LIG1: variants seen among roughly 807,000 people sequenced by gnomAD.
LIG1 encodes DNA ligase 1, also known as ligase I, DNA, ATP-dependent.
In LIG1, 70 loss-of-function variants were observed where a neutral mutation model predicts 115.7. The observed-to-expected ratio is 0.60, with a 90% CI of 0.50 to 0.74. The LOEUF is 0.74. Among genes scored for constraint, LIG1 ranks in the 30% least tolerant of loss-of-function variants. The pLI is 0.00. For missense variants in LIG1, 1,115 were observed against 1,225.6 expected (o/e 0.91, Z 1.35); for synonymous variants, 487 against 495.3 (o/e 0.98, Z 0.22).
At chr19:48,146,960 G>C (rs1048343574) in intron 9 of LIG1, among the ~76,000 whole-genome samples, 2 of 152,184 alleles carry the variant, frequency 1.3e-5, no homozygotes, top group Non-Finnish European at 2.9e-5. Context: ...AATGGCTAAA[G>C]TGCTCCCTTC....
intron 1 of LIG1, among the ~76,000 whole-genome samples, chr19:48,168,661 C>G (rs999626090): frequency 6.6e-6 from 1 of 152,016 alleles, no homozygotes; most frequent in African/African-American, 2.4e-5. Context: ...GGAACTGGTT[C>G]CCTCATTACT....
chr19:48,127,990 G>T lies in LIG1; in HGVS notation c.1852C>A (p.Leu618Met). The T allele has an allele frequency of 2.5e-6, 4 of 1,614,174 alleles. No individual in the cohort carries two copies. Among genetic ancestry groups the T allele is most frequent in the Non-Finnish European group, 3.4e-6 (4 of 1,180,022 alleles). The change falls in exon 20 of 28, where the codon CTG becomes ATG. Residue 618 changes from leucine to methionine, a missense_variant. Leu to Met is a conservative substitution (Grantham distance 15). Transcript: ENST00000263274. ...TCCCAAGCCACGGCTTCGGTGTCCA[G>T]GATGAAGGATGTGACCGATGGGAGT... is the stretch of plus-strand genomic sequence containing the variant. The part of the protein sequence containing the change: ...IKLPSVTSFI[L>M]DTEAVAWDRE...
chr19:48,123,068 C>T (rs1259439777), intron 22 of LIG1, 52 bp from the exon 23 acceptor site: 14 of 1,611,392 alleles, frequency 8.7e-6, no homozygotes, highest in Admixed American at 5.0e-5. Context: ...TCACAAGCGC[C>T]GGAGCAGGCA....
intron 21 of LIG1, 85 bp from the exon 22 acceptor site, chr19:48,123,403 T>C: frequency 6.7e-7 from 1 of 1,497,148 alleles, no homozygotes; most frequent in East Asian, 2.3e-5. Context: ...GAACAGGACA[T>C]GTGCGGGTCA....
At chr19:48,131,991 T>C (rs548436460) in intron 18 of LIG1, among the ~76,000 whole-genome samples, 16 of 149,832 alleles carry the variant, frequency 1.1e-4, no homozygotes, top group African/African-American at 3.7e-4. Context: ...GAGGCTGTAG[T>C]GTAGTGGCAC....
rs1052758930 is a variant in LIG1 at position 48,150,130 on chromosome 19, T to C, written c.655A>G (p.Lys219Glu). The C allele has an allele frequency of 1.2e-6, 2 of 1,614,182 alleles. No homozygotes were observed. The stretch of plus-strand genomic sequence containing the variant: ...GTCTTGGGAGCTCTGCGGGGAGGCT[T>C]GGTCTGCTCTTCCTCCTCCTGCAGT... The part of the protein sequence containing the change: ...QELQEEEEQT[K>E]PPRRAPKTLS... Residue 219 changes from lysine (K) to glutamate (E), a missense_variant, in exon 8 of 28, where the codon AAG (lysine) becomes GAG (glutamate). By Grantham distance (56) the Lys-to-Glu change is moderately conservative. Transcript: ENST00000263274.
intron 26 of LIG1, among the ~76,000 whole-genome samples, chr19:48,117,301 A>C (rs1190138578): frequency 6.6e-6 from 1 of 150,868 alleles, no homozygotes; most frequent in Non-Finnish European, 1.5e-5. Flanking sequence ...CTGGGACTAC[A>C]GGCACCCGCC....
At chr19:48,145,765 A>T (rs1231528561) in intron 9 of LIG1, 2 of 152,256 alleles carry the variant, frequency 1.3e-5, no homozygotes, top group South Asian at 4.1e-4. Flanking sequence ...AAAAACAAAT[A>T]AGAATAGTAG....
chr19:48,168,648 T>C (rs1191423581), intron 1 of LIG1, among the ~76,000 whole-genome samples: 1 of 152,180 alleles, frequency 6.6e-6, no homozygotes, highest in African/African-American at 2.4e-5. Context: ...TGTCTACCCT[T>C]AGGGAACTGG....
At chr19:48,142,532 G>A (rs1281289619) in intron 11 of LIG1, among the ~76,000 whole-genome samples, 2 of 151,728 alleles carry the variant, frequency 1.3e-5, no homozygotes, top group South Asian at 2.1e-4. Context: ...ATGTGAGAAC[G>A]AAGGGACACT....
intron 21 of LIG1, 152 bp from the exon 22 acceptor site, chr19:48,123,470 G>A: frequency 3.5e-6 from 3 of 858,660 alleles, no homozygotes; most frequent in Admixed American, 2.1e-5. Context: ...GATGTCAGAA[G>A]GATTCTGAGA....
In LIG1 at chr19:48,137,765, T is replaced by A; in HGVS notation, c.1088-77A>T. 1 of 1,544,516 alleles carries A rather than the reference T, an allele frequency of 6.5e-7. No individual in the cohort carries two copies. The highest frequency in any genetic ancestry group is 8.8e-7 in the Non-Finnish European group (1 of 1,140,086). ...TGTCTCCCTTCTCTCGCGGCCTGGA[T>A]GAATTTTCTCCAGCTGTGTGTGCTT... is the stretch of plus-strand genomic sequence containing the variant. On this transcript the variant is annotated intron_variant, in intron 12 of 27. Coordinates refer to ENST00000263274, the MANE Select transcript of LIG1 (RefSeq NM_000234.3). The surrounding 1 kb of genome is among the most constrained non-coding windows in gnomAD (Gnocchi z 4.3).
chr19:48,120,717 G>T, intron 24 of LIG1: 2 of 349,480 alleles, frequency 5.7e-6, no homozygotes, highest in Non-Finnish European at 8.1e-6. Context: ...GCTCTTCCCT[G>T]GTGCGTGGAG....
intron 2 of LIG1, 49 bp from the exon 3 acceptor site, chr19:48,162,400 A>C (rs781162697): frequency 1.4e-5 from 18 of 1,295,750 alleles, no homozygotes; most frequent in Middle Eastern, 2.3e-4. Flanking sequence ...CAGCACCAAT[A>C]CCCTGCCTAT....
rs1599741504 is a variant in LIG1, at chr19:48,122,012, G to T, written c.2233-690C>A. 6.6e-6 allele frequency among the ~76,000 whole-genome samples: 1 copy of T among 152,296 alleles called. No homozygotes were observed. The highest frequency in any genetic ancestry group is 6.5e-5 in the Admixed American group (1 of 15,300). ...GCCAGGCAGAAGCTCAGCCCTGGGG[G>T]CACAACAGTGCTATTTCCTGAGACA... is the stretch of plus-strand genomic sequence containing the variant. On this transcript the variant is annotated intron_variant, in intron 23 of 27. Transcript: ENST00000263274. This position sits in a 1 kb window ranked among gnomAD's most constrained non-coding sequence, Gnocchi z 4.3.
At chr19:48,142,107 G>C (rs569823068) in intron 11 of LIG1, among the ~76,000 whole-genome samples, 1 of 151,840 alleles carries the variant, frequency 6.6e-6, no homozygotes, top group African/African-American at 2.4e-5. Context: ...TTCAAGACCA[G>C]CCTGGCCAAC....
Position 48,162,401 on chromosome 19 carries a change from C to T in LIG1, c.18-50G>A, listed in dbSNP as rs183364302. ...AAAAAGGAGAATAACAGCACCAATA[C>T]CCTGCCTATCTATGCTGTATCCTAT... On this transcript the variant is annotated intron_variant, in intron 2 of 27. Coordinates refer to ENST00000263274, the MANE Select transcript of LIG1 (RefSeq NM_000234.3). 2.3e-4 allele frequency: 303 copies of T among 1,303,420 alleles called. 2 individuals carry two copies. The African/African-American group carries it at 4.1e-3, about 18-fold the overall frequency. The allele number at this position is 1,303,420 out of a possible 1,614,324, so 80.7% of individuals were successfully genotyped here.
At chr19:48,116,604 G>C (rs2032854228) in intron 26 of LIG1, among the ~76,000 whole-genome samples, 1 of 152,158 alleles carries the variant, frequency 6.6e-6, no homozygotes, top group Non-Finnish European at 1.5e-5. Flanking sequence ...GCGTGATGCA[G>C]GGGCAGTTAC....
intron 11 of LIG1, among the ~76,000 whole-genome samples, chr19:48,143,019 T>A (rs887804603): frequency 6.6e-5 from 10 of 151,750 alleles, no homozygotes; most frequent in Admixed American, 5.9e-4. Flanking sequence ...GAAGAGGAAA[T>A]GGGGACAGAG....
Sources: gnomAD v4.1 joint callset for allele counts (sites outside exome capture counted in the v4.1 genomes callset) on GRCh38, gnomAD v4.1.1 for gene constraint, Gnocchi (gnomAD v3.1) non-coding constraint, MANE v1.5 for transcripts, NCBI Gene and HGNC (gene_info 2026-07-23, HGNC 2026-07-21) for gene names.